ELL2: variants seen among roughly 807,000 people sequenced by gnomAD.
ELL2 encodes the protein elongation factor for RNA polymerase II 2, also known as RNA polymerase II elongation factor ELL2.
A neutral mutation model predicts 72.8 loss-of-function variants in ELL2; 21 were observed. That is an observed-to-expected ratio of 0.29 (90% CI 0.20 to 0.42). The LOEUF (loss-of-function observed/expected upper bound fraction) is 0.42, where lower values mean the gene tolerates loss of function less well. Among genes scored for constraint, ELL2 ranks in the 10% least tolerant of loss-of-function variants. The pLI is 1.00. For synonymous variants in ELL2, 266 were observed against 283.2 expected (o/e 0.94, Z 0.61); for missense variants, 568 against 772.8 (o/e 0.73, Z 3.14).
At chr5:95,915,691 G>C (rs1208249395) in intron 3 of ELL2, among the ~76,000 whole-genome samples, 1 of 152,206 alleles carries the variant, frequency 6.6e-6, no homozygotes, top group Admixed American at 6.5e-5. Context: ...CAGAGGAGGT[G>C]ATGCCTGAGG....
At chr5:95,949,600 G>T (rs1220378270) in intron 1 of ELL2, among the ~76,000 whole-genome samples, 2 of 150,790 alleles carry the variant, frequency 1.3e-5, no homozygotes, top group Non-Finnish European at 2.9e-5. Flanking sequence ...CTTAATTCAA[G>T]AATTCTTAAA....
intron 1 of ELL2, among the ~76,000 whole-genome samples, chr5:95,949,016 C>T (rs1002047867): frequency 7.6e-4 from 116 of 152,278 alleles, no homozygotes; most frequent in Non-Finnish European, 1.4e-3. Context: ...GTAGTATAGG[C>T]AATGCTAAAA....
chr5:95,891,282 G>GA lies in ELL2; in HGVS notation c.1590-9dup, dbSNP rs751563963. On this transcript the variant is annotated splice_polypyrimidine_tract_variant and intron_variant, in intron 9 of 11. Coordinates refer to ENST00000237853, the MANE Select transcript of ELL2 (RefSeq NM_012081.6). ...ACGATAGCGATATATTTTCTAATAAGAAAAAAGATAAATGGAGAGTAGCTA... is the reference window on the plus strand; with the variant it reads ...ACGATAGCGATATATTTTCTAATAAGAAAAAAAGATAAATGGAGAGTAGCTA... The GA allele has an allele frequency of 1.9e-6, 3 of 1,592,506 alleles. No individual in the cohort carries two copies. The highest frequency in any genetic ancestry group is 2.6e-6 in the Non-Finnish European group (3 of 1,172,368).
intron 3 of ELL2, among the ~76,000 whole-genome samples, chr5:95,916,954 C>T (rs1017202000): frequency 1.3e-5 from 2 of 152,090 alleles, no homozygotes; most frequent in Non-Finnish European, 2.9e-5. Context: ...GCCCCTCATG[C>T]GAAGTCAGAA....
At chr5:95,894,849 G>C (rs1221774653) in intron 9 of ELL2, among the ~76,000 whole-genome samples, 1 of 152,198 alleles carries the variant, frequency 6.6e-6, no homozygotes, top group Non-Finnish European at 1.5e-5. Context: ...TAGAAAAAAA[G>C]TGTTCAGACA....
At chr5:95,890,890 A>G (rs1458278279) in intron 10 of ELL2, 1 of 582,364 alleles carries the variant, frequency 1.7e-6, no homozygotes, top group Non-Finnish European at 3.0e-6. Context: ...TTATAGTGGC[A>G]CAAGGTTTTT....
At chr5:95,901,241 AC>A in intron 5 of ELL2, 161 bp from the exon 6 acceptor site, 1 of 675,358 alleles carries the variant, frequency 1.5e-6, no homozygotes, top group East Asian at 3.3e-5. Context: ...AATGCCATTA[AC>A]TTCATTTTGG....
intron 10 of ELL2, among the ~76,000 whole-genome samples, chr5:95,890,588 A>T (rs1368676132): frequency 1.3e-5 from 2 of 152,212 alleles, no homozygotes; most frequent in Admixed American, 1.3e-4. Context: ...ACAGAGTAAG[A>T]CTGGTTAACA....
At chr5:95,898,875 C>A in intron 7 of ELL2, 65 bp from the exon 8 acceptor site, 2 of 1,243,544 alleles carry the variant, frequency 1.6e-6, no homozygotes, top group African/African-American at 1.5e-5. Flanking sequence ...TCAATACATG[C>A]ATGGCTGGTT....
At chr5:95,914,269 T>C (rs1749705654) in intron 3 of ELL2, among the ~76,000 whole-genome samples, 2 of 152,154 alleles carry the variant, frequency 1.3e-5, no homozygotes, top group Non-Finnish European at 2.9e-5. Context: ...AAGAATTATC[T>C]AACACTGATA....
intron 1 of ELL2, among the ~76,000 whole-genome samples, chr5:95,947,613 C>T (rs575963370): frequency 2.6e-5 from 4 of 152,136 alleles, no homozygotes; most frequent in East Asian, 3.8e-4. Flanking sequence ...TAGAGTACAT[C>T]GCTTAGGATC....
At chr5:95,916,920 T>C (rs1314588958) in intron 3 of ELL2, among the ~76,000 whole-genome samples, 3 of 152,122 alleles carry the variant, frequency 2.0e-5, no homozygotes, top group African/African-American at 7.2e-5. Context: ...GTAATTTACA[T>C]AGTGAGAATA....
intron 1 of ELL2, among the ~76,000 whole-genome samples, chr5:95,948,208 G>A (rs929279382): frequency 3.9e-5 from 6 of 152,042 alleles, no homozygotes; most frequent in Non-Finnish European, 8.8e-5. Context: ...AGGCTGGGCG[G>A]ATCAAGAGGT....
chr5:95,937,799 C>T (rs1750830845), intron 2 of ELL2, among the ~76,000 whole-genome samples: 1 of 152,154 alleles, frequency 6.6e-6, no homozygotes, highest in African/African-American at 2.4e-5. Flanking sequence ...ACATTCAGAG[C>T]CGACTGACTA....
intron 2 of ELL2, 37 bp downstream of exon 2, chr5:95,942,965 C>A: frequency 2.0e-6 from 3 of 1,519,086 alleles, no homozygotes; most frequent in Non-Finnish European, 2.7e-6. Context: ...CGTGCAAGAA[C>A]ATTAGATTTG....
At chr5:95,919,387 A>G in intron 3 of ELL2, 37 bp downstream of exon 3, 2 of 1,559,808 alleles carry the variant, frequency 1.3e-6, no homozygotes, top group East Asian at 4.7e-5. Flanking sequence ...TTAAATAAAA[A>G]ATTTTTCCCC....
At chr5:95,895,921 G>A (rs1748858181) in intron 8 of ELL2, among the ~76,000 whole-genome samples, 2 of 152,246 alleles carry the variant, frequency 1.3e-5, no homozygotes, top group Non-Finnish European at 2.9e-5. Flanking sequence ...GGCTACTGCA[G>A]TGTCTGCACA....
At chr5:95,909,959 C>T (rs1749520190) in intron 4 of ELL2, among the ~76,000 whole-genome samples, 1 of 152,096 alleles carries the variant, frequency 6.6e-6, no homozygotes, top group Non-Finnish European at 1.5e-5. Flanking sequence ...CAACACAGAC[C>T]CAAGGCTTTA....
intron 2 of ELL2, among the ~76,000 whole-genome samples, chr5:95,921,759 G>A (rs1694801175): frequency 6.6e-6 from 1 of 152,214 alleles, no homozygotes; most frequent in African/African-American, 2.4e-5. Flanking sequence ...TGACAGAGAA[G>A]GGATATGCCT....
Sources: gnomAD v4.1 joint callset for allele counts (sites outside exome capture counted in the v4.1 genomes callset) on GRCh38, gnomAD v4.1.1 for gene constraint, MANE v1.5 for transcripts, NCBI Gene and HGNC (gene_info 2026-07-23, HGNC 2026-07-21) for gene names.